The following AK8 variants were observed in gnomAD, a reference collection of about 807,000 sequenced individuals.
AK8 encodes the protein ATP-AMP transphosphorylase 8.
AK8 carries 44 observed loss-of-function variants against 54.6 expected under a neutral mutation model. The ratio of observed to expected loss-of-function variants is 0.81; its 90% CI spans 0.63 to 1.04. The LOEUF (loss-of-function observed/expected upper bound fraction) is 1.04, where lower values mean the gene tolerates loss of function less well. AK8 is among the 50% of genes least tolerant of loss of function. The pLI, the probability that AK8 is intolerant of heterozygous loss-of-function variation, is 0.00. For missense variants in AK8, 555 were observed against 613.6 expected (o/e 0.90, Z 1.01); for synonymous variants, 239 against 245.6 (o/e 0.97, Z 0.25).
intron 9 of AK8, among the ~76,000 whole-genome samples, chr9:132,816,401 G>T (rs1034998584): frequency 4.0e-5 from 6 of 151,832 alleles, no homozygotes; most frequent in African/African-American, 1.5e-4. Context: ...AAGCTGCTGA[G>T]AACTGAGACA....
chr9:132,815,896 A>C (rs1467973933), intron 9 of AK8, among the ~76,000 whole-genome samples: 2 of 152,258 alleles, frequency 1.3e-5, no homozygotes, highest in African/African-American at 4.8e-5. Flanking sequence ...AAAACATCCT[A>C]AAGTTAACTG....
chr9:132,862,642 C>T (rs1255448871), intron 4 of AK8, among the ~76,000 whole-genome samples: 4 of 152,156 alleles, frequency 2.6e-5, no homozygotes, highest in Admixed American at 6.5e-5. Context: ...CCATACCTCT[C>T]ATCTGTGAGA....
Position 132,877,322 on chromosome 9 carries a change from G to C in AK8, c.84+850C>G, listed in dbSNP as rs796538611. Among the ~76,000 whole-genome samples the C allele has an allele frequency of 1.1e-4, 16 of 152,274 alleles. 1 individual carries two copies. Among genetic ancestry groups the C allele is most frequent in the African/African-American group, 3.9e-4 (16 of 41,542 alleles). On this transcript the variant is annotated intron_variant, in intron 1 of 12. Coordinates refer to ENST00000298545, the MANE Select transcript of AK8 (RefSeq NM_152572.3). ...GTGCAGACACGGGTTTCTTCGTCTGGGCTCAGCTGTCTAGTGTGCAGGGCA... is the reference window on the plus strand; with the variant it reads ...GTGCAGACACGGGTTTCTTCGTCTGCGCTCAGCTGTCTAGTGTGCAGGGCA...
intron 10 of AK8, among the ~76,000 whole-genome samples, chr9:132,804,889 C>T (rs1840645132): frequency 6.6e-6 from 1 of 152,232 alleles, no homozygotes; most frequent in Non-Finnish European, 1.5e-5. Context: ...CCCCTCATGT[C>T]CTGCCCCTGC....
intron 7 of AK8, among the ~76,000 whole-genome samples, chr9:132,827,591 C>T (rs1271176278): frequency 6.6e-6 from 1 of 152,148 alleles, no homozygotes. Flanking sequence ...AGTTCAAGGG[C>T]CCCGTCCCCT....
chr9:132,740,187 C>CA (rs754952316), intron 11 of AK8, among the ~76,000 whole-genome samples: 3 of 152,250 alleles, frequency 2.0e-5, no homozygotes, highest in Non-Finnish European at 4.4e-5. Context: ...ATTTTACCAA[C>CA]ACGGGTACTG....
chr9:132,878,532 T>C, upstream of AK8: 1 of 1,178,712 alleles, frequency 8.5e-7, no homozygotes, highest in South Asian at 4.3e-5. This position sits in a 1 kb window ranked among gnomAD's most constrained non-coding sequence, Gnocchi z 4.7. Flanking sequence ...TCCTCGTATC[T>C]GAGACCCCCG....
intron 1 of AK8, chr9:132,877,952 C>T (rs1019849396): frequency 3.9e-5 from 47 of 1,218,152 alleles, no homozygotes; most frequent in Middle Eastern, 1.9e-4. Context: ...CCCTTCCTCC[C>T]CCTGGGTCCG....
rs143990720 is a variant in AK8, at chr9:132,727,460, C to T, written c.1196G>A (p.Gly399Glu). ...LTLRRIDPVT[G>E]ERYHLMYKPP... Reference sequence around the variant, plus strand: ...CCAGGAACACAGCACAAACCTTTCCCCAGTGACTGGATCAATTCTTCTCAG... The same window carrying T: ...CCAGGAACACAGCACAAACCTTTCCTCAGTGACTGGATCAATTCTTCTCAG... The change falls in exon 12 of 13, where the codon GGG (glycine) becomes GAG (glutamate). Residue 399 changes from glycine (G) to glutamate (E), a missense_variant. Physicochemically the swap from Gly to Glu is moderately conservative, Grantham distance 98. Coordinates refer to ENST00000298545, the MANE Select transcript of AK8 (RefSeq NM_152572.3). 1.9e-6 allele frequency: 3 copies of T among 1,613,974 alleles called. No individual in the cohort carries two copies. Among genetic ancestry groups the T allele is most frequent in the Admixed American group, 1.7e-5 (1 of 60,002 alleles).
intron 11 of AK8, among the ~76,000 whole-genome samples, chr9:132,765,031 G>A (rs752720559): frequency 1.1e-4 from 16 of 151,810 alleles, no homozygotes; most frequent in Non-Finnish European, 1.3e-4. Context: ...GGTGGCTCAC[G>A]TCTGTAATCC....
chr9:132,842,230 T>C (rs1047602222), intron 5 of AK8, among the ~76,000 whole-genome samples: 1 of 152,204 alleles, frequency 6.6e-6, no homozygotes, highest in African/African-American at 2.4e-5. Flanking sequence ...CTTTGCCTCC[T>C]TGGGCCATGT....
At chr9:132,776,069 T>C (rs4962214) in intron 11 of AK8, among the ~76,000 whole-genome samples, 34,075 of 152,164 alleles carry the variant, frequency 0.22, 4,474 homozygotes, top group African/African-American at 0.36. Flanking sequence ...TCATCCTCAC[T>C]GGACTGCCTC....
chr9:132,778,155 G>C (rs1839307697), intron 11 of AK8, among the ~76,000 whole-genome samples: 1 of 152,206 alleles, frequency 6.6e-6, no homozygotes, highest in African/African-American at 2.4e-5. Flanking sequence ...TCTTCCAAGA[G>C]AAAAGGCACC....
chr9:132,743,716 T>C (rs1240896335), intron 11 of AK8, among the ~76,000 whole-genome samples: 1 of 152,226 alleles, frequency 6.6e-6, no homozygotes, highest in East Asian at 1.9e-4. Flanking sequence ...TGATATTTCC[T>C]ACCTGCCGGG....
intron 6 of AK8, among the ~76,000 whole-genome samples, 185 bp downstream of exon 6, chr9:132,828,460 T>C (rs954368636): frequency 4.6e-5 from 7 of 152,252 alleles, no homozygotes; most frequent in Non-Finnish European, 1.0e-4. Context: ...AACCCCACTT[T>C]TCTTAAGAAC....
intron 5 of AK8, among the ~76,000 whole-genome samples, chr9:132,833,123 C>T (rs79631195): frequency 0.023 from 3,465 of 152,292 alleles, 129 homozygotes; most frequent in African/African-American, 0.079. Flanking sequence ...GGCGCCTTGA[C>T]CAAACCTCTG....
chr9:132,832,471 G>A (rs1480591506), intron 5 of AK8, among the ~76,000 whole-genome samples: 1 of 152,156 alleles, frequency 6.6e-6, no homozygotes, highest in Non-Finnish European at 1.5e-5. Context: ...AACATTTTCT[G>A]AACTTTAGCT....
At position 132,837,488 on chromosome 9, in the gene AK8, C is replaced by T. The variant is rs879332994; in HGVS notation, c.403-8762G>A. ...TGGTCAGTACTTCTGGGTCCAGTCC[C>T]GTTCCCATCATCTCCGTGCCTCTCA... On this transcript the variant is annotated intron_variant, in intron 5 of 12. Transcript: ENST00000298545. The surrounding 1 kb of genome is among the most constrained non-coding windows in gnomAD (Gnocchi z 4.3). Among the ~76,000 whole-genome samples the T allele has an allele frequency of 6.6e-6, 1 of 152,048 alleles. No individual in the cohort carries two copies. Among genetic ancestry groups the T allele is most frequent in the Non-Finnish European group, 1.5e-5 (1 of 68,030 alleles).
In AK8 at chr9:132,799,284, A is replaced by T. The variant is rs1840330049; in HGVS notation, c.980-6509T>A. On this transcript the variant is annotated intron_variant, in intron 10 of 12. Coordinates refer to ENST00000298545, the MANE Select transcript of AK8 (RefSeq NM_152572.3). The surrounding 1 kb of genome is among the most constrained non-coding windows in gnomAD (Gnocchi z 5.0). ...ACACTAAGGTTTCTGGGGCTGGCAT[A>T]TAAAGATAGGACAAAAAGTGGAGAG... Among the ~76,000 whole-genome samples the T allele has an allele frequency of 6.6e-6, 1 of 152,212 alleles. No homozygotes were observed. The highest frequency in any genetic ancestry group is 1.5e-5 in the Non-Finnish European group (1 of 68,030).
Sources: gnomAD v4.1 joint callset for allele counts (sites outside exome capture counted in the v4.1 genomes callset) on GRCh38, gnomAD v4.1.1 for gene constraint, Gnocchi (gnomAD v3.1) non-coding constraint, MANE v1.5 for transcripts, NCBI Gene and HGNC (gene_info 2026-07-23, HGNC 2026-07-21) for gene names.